The following PAX5 variants were observed in gnomAD, a reference collection of about 807,000 sequenced individuals.
PAX5 encodes paired box 5.
PAX5 carries 9 observed loss-of-function variants against 43.7 expected under a neutral mutation model. The ratio of observed to expected loss-of-function variants is 0.21; its 90% CI spans 0.12 to 0.36. The LOEUF (loss-of-function observed/expected upper bound fraction) is 0.36. Among genes scored for constraint, PAX5 ranks in the 10% least tolerant of loss-of-function variants. The pLI, the probability that PAX5 is intolerant of heterozygous loss-of-function variation, is 1.00. For missense variants in PAX5, 383 were observed against 532.7 expected, an observed-to-expected ratio of 0.72 and a Z score of 2.77; for synonymous variants, 228 against 214.3, an observed-to-expected ratio of 1.06 and a Z score of -0.56.
intron 7 of PAX5, among the ~76,000 whole-genome samples, chr9:36,884,085 C>G (rs1826708765): frequency 6.6e-6 from 1 of 152,180 alleles, no homozygotes; most frequent in Non-Finnish European, 1.5e-5. Context: ...CTTCAAGAGA[C>G]ACATATCTCA....
In PAX5 at chr9:37,003,169, A is replaced by ACAAAAAAAC. The variant is rs1554681643; in HGVS notation, c.476-394_476-393insGTTTTTTTG. On this transcript the variant is annotated intron_variant, in intron 4 of 9. Coordinates refer to ENST00000358127, the MANE Select transcript of PAX5 (RefSeq NM_016734.3). ...AGTCAGTGCTTAAAAAAAAAAAAAAAAAAAAAAAAAAACCTGAACTACTCG... is the reference window on the plus strand; with the variant it reads ...AGTCAGTGCTTAAAAAAAAAAAAAAACAAAAAAACAAAAAAAAAAAACCTGAACTACTCG... Among the ~76,000 whole-genome samples the ACAAAAAAAC allele has an allele frequency of 1.6e-4, 24 of 149,466 alleles. No individual in the cohort carries two copies. In the South Asian group the frequency reaches 4.5e-3, roughly 28 times the overall value.
Position 36,882,111 on chromosome 9 carries a change from G to GA in PAX5, c.911-7dup. 1 of 1,577,030 alleles carries GA rather than the reference G, an allele frequency of 6.3e-7. No homozygotes were observed. Among genetic ancestry groups the GA allele is most frequent in the Non-Finnish European group, 8.6e-7 (1 of 1,157,344 alleles). ...CGTGCTCGCCAAGTCACGGCCTGAG[G>GA]AATCAAAGCAACAAATCACAGGGTG... is the stretch of plus-strand genomic sequence containing the variant. On this transcript the variant is annotated splice_region_variant and splice_polypyrimidine_tract_variant and intron_variant, in intron 7 of 9. Coordinates refer to ENST00000358127, the MANE Select transcript of PAX5 (RefSeq NM_016734.3). The surrounding 1 kb of genome is among the most constrained non-coding windows in gnomAD (Gnocchi z 4.4).
chr9:37,019,865 C>T (rs1018109459), intron 2 of PAX5, among the ~76,000 whole-genome samples: 2 of 152,136 alleles, frequency 1.3e-5, no homozygotes, highest in Non-Finnish European at 2.9e-5. Flanking sequence ...CATTGCAACC[C>T]GGGTACTGCC....
rs141733886 is a variant in PAX5 at position 36,902,665 on chromosome 9, G to A, written c.911-20560C>T. Among the ~76,000 whole-genome samples the A allele has an allele frequency of 3.0e-3, 461 of 152,326 alleles. 4 individuals are homozygous for A. Among genetic ancestry groups the A allele is most frequent in the African/African-American group, 8.2e-3 (339 of 41,580 alleles). The stretch of plus-strand genomic sequence containing the variant: ...ATGGGAAGCCACACCCTGGCTCCAT[G>A]GCCTTAGGCTGGGTTTCACCAGGGC... On this transcript the variant is annotated intron_variant, in intron 7 of 9. Transcript: ENST00000358127.
chr9:36,876,294 C>T (rs985386707), intron 8 of PAX5, among the ~76,000 whole-genome samples: 3 of 152,336 alleles, frequency 2.0e-5, no homozygotes, highest in Admixed American at 6.5e-5. Context: ...TTAGTGAGTG[C>T]CTCAATTGAA....
At position 37,020,747 on chromosome 9, in the gene PAX5, G is replaced by A. The variant is rs1839781585; in HGVS notation, c.101C>T (p.Pro34Leu). The part of the protein sequence containing the change: ...GGVFVNGRPL[P>L]DVVRQRIVEL... ...CACTATCCTCTGGCGGACTACATCC[G>A]GGAGTGGCCGTCCATTCACAAAAAC... The change falls in exon 2 of 10, where the codon CCG becomes CTG. Residue 34 changes from proline to leucine, a missense_variant. Pro to Leu is a moderately conservative substitution (Grantham distance 98). This residue lies in a region of PAX5 where 54 missense variants were observed against 68.6 expected (regional missense o/e 0.79). Coordinates refer to ENST00000358127, the MANE Select transcript of PAX5 (RefSeq NM_016734.3). The A allele has an allele frequency of 6.2e-7, 1 of 1,614,088 alleles. No homozygotes were observed. Among genetic ancestry groups the A allele is most frequent in the Non-Finnish European group, 8.5e-7 (1 of 1,180,008 alleles).
chr9:37,027,300 C>T (rs1168751752), intron 1 of PAX5, among the ~76,000 whole-genome samples: 1 of 152,244 alleles, frequency 6.6e-6, no homozygotes, highest in African/African-American at 2.4e-5. Flanking sequence ...ACACTGAGAC[C>T]CGCTGCCTTC....
chr9:36,986,363 C>G (rs1836417776), intron 5 of PAX5, among the ~76,000 whole-genome samples: 1 of 147,634 alleles, frequency 6.8e-6, no homozygotes, highest in Non-Finnish European at 1.5e-5. Context: ...CCGCCGCGGC[C>G]GCGCCGGCGG....
Position 36,840,574 on chromosome 9 carries a change from A to G in PAX5, c.1162T>C (p.Tyr388His). ...GAAPPAAATA[Y>H]DRH ...GGCTCCAAGGGTCAGTGACGGTCAT[A>G]GGCAGTGGCGGCTGCAGGTGGGGCG... The change falls in exon 10 of 10, where the codon TAT (tyrosine) becomes CAT (histidine). Residue 388 changes from tyrosine to histidine, a missense_variant. Transcript: ENST00000358127. 6.3e-7 allele frequency: 1 copy of G among 1,587,960 alleles called. No individual in the cohort carries two copies. The highest frequency in any genetic ancestry group is 8.6e-7 in the Non-Finnish European group (1 of 1,168,472).
chr9:36,904,188 A>G (rs775975667), intron 7 of PAX5, among the ~76,000 whole-genome samples: 4 of 152,292 alleles, frequency 2.6e-5, no homozygotes, highest in Middle Eastern at 3.4e-3. Context: ...AGCATCAGCT[A>G]TCACTCCTGC....
chr9:36,950,283 T>C (rs747366439), intron 6 of PAX5, among the ~76,000 whole-genome samples: 2 of 152,232 alleles, frequency 1.3e-5, no homozygotes, highest in East Asian at 3.8e-4. Flanking sequence ...TGAGCTGGAC[T>C]ATGTGATGAT....
At chr9:36,978,885 A>G (rs1253501862) in intron 5 of PAX5, among the ~76,000 whole-genome samples, 1 of 152,180 alleles carries the variant, frequency 6.6e-6, no homozygotes, top group Non-Finnish European at 1.5e-5. Context: ...AACTACCAAG[A>G]TTATATTCCC....
chr9:36,921,772 G>A (rs1830187297), intron 7 of PAX5, among the ~76,000 whole-genome samples: 1 of 152,150 alleles, frequency 6.6e-6, no homozygotes, highest in African/African-American at 2.4e-5. Context: ...AAAGGGCCCA[G>A]GATCTAGGAG....
intron 5 of PAX5, among the ~76,000 whole-genome samples, chr9:36,982,440 C>T (rs1209254270): frequency 1.3e-5 from 2 of 152,138 alleles, no homozygotes; most frequent in Non-Finnish European, 2.9e-5. Flanking sequence ...TCAGGGAGCC[C>T]ATACTCTGTC....
At chr9:36,890,624 A>C (rs532346716) in intron 7 of PAX5, among the ~76,000 whole-genome samples, 3 of 152,182 alleles carry the variant, frequency 2.0e-5, no homozygotes, top group Non-Finnish European at 4.4e-5. Context: ...GTAACATTCC[A>C]TAAGTCGGTG....
At chr9:37,032,962 G>A (rs1298398152) in intron 1 of PAX5, among the ~76,000 whole-genome samples, 1 of 152,250 alleles carries the variant, frequency 6.6e-6, no homozygotes, top group Admixed American at 6.5e-5. Context: ...CTCCTCCACT[G>A]GTGCGGCACC....
chr9:36,947,723 T>C lies in PAX5; in HGVS notation c.780+18826A>G, dbSNP rs186344348. The stretch of plus-strand genomic sequence containing the variant: ...ATATGTGTGTGTGAACATATATATA[T>C]ATATTTTTAACAGAATTTCCAAAAC... On this transcript the variant is annotated intron_variant, in intron 6 of 9. Coordinates refer to ENST00000358127, the MANE Select transcript of PAX5 (RefSeq NM_016734.3). Among the ~76,000 whole-genome samples, 727 of 152,264 alleles carry C rather than the reference T, an allele frequency of 4.8e-3. 3 individuals are homozygous for C. The highest frequency in any genetic ancestry group is 8.7e-3 in the South Asian group (42 of 4,804).
At chr9:36,946,392 G>A (rs1047776335) in intron 6 of PAX5, among the ~76,000 whole-genome samples, 2 of 152,156 alleles carry the variant, frequency 1.3e-5, no homozygotes, top group Non-Finnish European at 2.9e-5. Flanking sequence ...AGAGAAACCC[G>A]AGCAGCTGAC....
At chr9:36,905,684 T>C (rs1828761856) in intron 7 of PAX5, among the ~76,000 whole-genome samples, 1 of 151,828 alleles carries the variant, frequency 6.6e-6, no homozygotes, top group Admixed American at 6.6e-5. Context: ...GGGCAGTGGA[T>C]CAACCAGGCT....
Sources: gnomAD v4.1 joint callset for allele counts (sites outside exome capture counted in the v4.1 genomes callset) on GRCh38, gnomAD v4.1.1 for gene constraint, gnomAD v4.1.1 regional missense constraint, Gnocchi (gnomAD v3.1) non-coding constraint, MANE v1.5 for transcripts, NCBI Gene and HGNC (gene_info 2026-07-23, HGNC 2026-07-21) for gene names.